The following JADE1 variants were observed in gnomAD, a reference collection of about 807,000 sequenced individuals.
The protein encoded by JADE1 is jade family PHD finger 1.
In JADE1, 14 loss-of-function variants were observed where a neutral mutation model predicts 81.8. The observed-to-expected ratio is 0.17, with a 90% CI of 0.11 to 0.27. JADE1 has a LOEUF of 0.27. Ranked by LOEUF, JADE1 falls within the 10% of genes least tolerant of loss-of-function variation. The pLI, the probability that JADE1 is intolerant of heterozygous loss-of-function variation, is 1.00. For missense variants in JADE1, 690 were observed against 1,047.9 expected (o/e 0.66, Z 4.71); for synonymous variants, 353 against 391.9 (o/e 0.90, Z 1.17).
At chr4:128,820,054 T>G (rs893648577) in intron 1 of JADE1, among the ~76,000 whole-genome samples, 5 of 152,202 alleles carry the variant, frequency 3.3e-5, no homozygotes, top group African/African-American at 7.2e-5. Flanking sequence ...TTTTAAATTG[T>G]TTTTGAAATC....
At position 128,873,273 on chromosome 4, in the gene JADE1, G is replaced by GAAAAAAAAAAAAAAAAAAAAAAAAA. The variant is rs1553953485; in HGVS notation, c.*1018_*1019insAAAAAAAAAAAAAAAAAAAAAAAAA. The GAAAAAAAAAAAAAAAAAAAAAAAAA allele has an allele frequency of 1.3e-5, 1 of 78,664 alleles. No individual in the cohort carries two copies. The highest frequency in any genetic ancestry group is 4.7e-5 in the African/African-American group (1 of 21,284). 4.9% of individuals were successfully genotyped at this position (78,664 alleles called of 1,614,324 possible). On this transcript the variant is annotated 3_prime_UTR_variant, in exon 11 of 11. Coordinates refer to ENST00000226319, the MANE Select transcript of JADE1 (RefSeq NM_199320.4). ...AGAAAAAGGAAAAAAAAAAAAAAAA[G>GAAAAAAAAAAAAAAAAAAAAAAAAA]AAAAAAAGAAAAAAAAAAGAAAAAA...
intron 2 of JADE1, 60 bp downstream of exon 2, chr4:128,831,870 A>T: frequency 6.9e-7 from 1 of 1,444,252 alleles, no homozygotes; most frequent in Non-Finnish European, 9.7e-7. Context: ...TAAAAACATG[A>T]TTTTTTAATG....
chr4:128,849,260 A>C, intron 5 of JADE1, 93 bp downstream of exon 5: 6 of 1,037,780 alleles, frequency 5.8e-6, no homozygotes, highest in Non-Finnish European at 8.3e-6. Context: ...CCTTATTGCC[A>C]GTTGCAGGCA....
chr4:128,848,960 C>G lies in JADE1; in HGVS notation c.297-20C>G. ...GTGGCTGAAAGGGTAACCTGGCTGC[C>G]TTGTTTTTTTATTATCCAGGGTTGT... is the stretch of plus-strand genomic sequence containing the variant. On this transcript the variant is annotated intron_variant, in intron 4 of 10. Transcript: ENST00000226319. 6.2e-7 allele frequency: 1 copy of G among 1,611,498 alleles called. No homozygotes were observed. The highest frequency in any genetic ancestry group is 8.5e-7 in the Non-Finnish European group (1 of 1,179,002).
chr4:128,872,247 C>T lies in JADE1; in HGVS notation c.2514C>T (p.Ser838=), dbSNP rs375587691. ...ISRRTDIIRR[S]ILAS ...GAAGGACAGACATTATCAGGAGAAG[C>T]ATCTTGGCTTCTTGATGCAACAGAG... Residue 838 remains serine, a synonymous_variant, in exon 11 of 11, where the codon AGC becomes AGT. Transcript: ENST00000226319. 5.6e-5 allele frequency: 90 copies of T among 1,613,180 alleles called. No individual in the cohort carries two copies. The highest frequency in any genetic ancestry group is 1.1e-4 in the African/African-American group (8 of 74,906).
intron 2 of JADE1, among the ~76,000 whole-genome samples, chr4:128,832,295 G>C (rs1214751027): frequency 6.6e-6 from 1 of 152,210 alleles, no homozygotes; most frequent in Non-Finnish European, 1.5e-5. Context: ...GAATACTACT[G>C]CTGTCTGTAT....
At chr4:128,834,659 G>A (rs1728833834) in intron 2 of JADE1, among the ~76,000 whole-genome samples, 1 of 148,972 alleles carries the variant, frequency 6.7e-6, no homozygotes, top group Non-Finnish European at 1.5e-5. Context: ...CTCAGCCTCC[G>A]AGTAGCTAGG....
chr4:128,850,404 A>G (rs1470718583), intron 5 of JADE1, among the ~76,000 whole-genome samples: 1 of 152,020 alleles, frequency 6.6e-6, no homozygotes, highest in African/African-American at 2.4e-5. Context: ...GGAACGTAGC[A>G]TAGGGTGTGG....
chr4:128,829,511 T>TTG (rs1728350193), intron 1 of JADE1, among the ~76,000 whole-genome samples: 1 of 152,204 alleles, frequency 6.6e-6, no homozygotes, highest in Admixed American at 6.5e-5. Context: ...TTTGGATGAA[T>TTG]TGTGTAGATC....
chr4:128,854,100 A>AT (rs964851812), intron 6 of JADE1, among the ~76,000 whole-genome samples: 1 of 151,568 alleles, frequency 6.6e-6, no homozygotes, highest in Non-Finnish European at 1.5e-5. Flanking sequence ...CCCATGAAAA[A>AT]TTTTTTTGAG....
chr4:128,822,550 GAA>G (rs34985454), intron 1 of JADE1, among the ~76,000 whole-genome samples: 8 of 144,094 alleles, frequency 5.6e-5, no homozygotes, highest in Non-Finnish European at 7.6e-5. Context: ...CGTCTCTAGT[GAA>G]AAAAAAAAAA....
intron 6 of JADE1, among the ~76,000 whole-genome samples, chr4:128,854,059 C>T (rs964062894): frequency 7.2e-5 from 11 of 152,114 alleles, no homozygotes; most frequent in African/African-American, 2.7e-4. Flanking sequence ...ACTTCTCAGT[C>T]TTTTTCTTGT....
chr4:128,846,313 G>A lies in JADE1; in HGVS notation c.139-62G>A. 6.6e-7 allele frequency: 1 copy of A among 1,508,788 alleles called. No homozygotes were observed. The allele number at this position is 1,508,788 out of a possible 1,614,324, so 93.5% of individuals were successfully genotyped here. On this transcript the variant is annotated intron_variant, in intron 3 of 10. Transcript: ENST00000226319. The surrounding 1 kb of genome is among the most constrained non-coding windows in gnomAD (Gnocchi z 4.0). Reference sequence around the variant, plus strand: ...GCAGCTCCATGGTTACATTGCAGCTGCCAGCACTCTGAATAAGAATGCAAA... The same window carrying A: ...GCAGCTCCATGGTTACATTGCAGCTACCAGCACTCTGAATAAGAATGCAAA...
chr4:128,835,387 A>G (rs1579149632), intron 2 of JADE1, among the ~76,000 whole-genome samples: 1 of 152,190 alleles, frequency 6.6e-6, no homozygotes. Flanking sequence ...GCACATACTC[A>G]TTGCCATGGA....
At chr4:128,845,709 C>G (rs1302966255) in intron 3 of JADE1, among the ~76,000 whole-genome samples, 2 of 151,964 alleles carry the variant, frequency 1.3e-5, no homozygotes, top group African/African-American at 2.4e-5. Flanking sequence ...GAGGTCCTGA[C>G]CTCAATGGTT....
At position 128,842,995 on chromosome 4, in the gene JADE1, G is replaced by T. The variant is rs1423068852; in HGVS notation, c.95G>T (p.Arg32Met). ...TCCCAGAATTCCCGATCCCAGCATA[G>T]GAGAAGCTCCTGCTCCAGACATGAA... ...TWSQNSRSQH[R>M]RSSCSRHEDR... The change falls in exon 3 of 11, where the codon AGG (arginine) becomes ATG (methionine). Residue 32 changes from arginine to methionine, a missense_variant. Physicochemically the swap from Arg to Met is moderately conservative, Grantham distance 91. Transcript: ENST00000226319. The T allele has an allele frequency of 1.9e-6, 3 of 1,614,068 alleles. No homozygotes were observed. Among genetic ancestry groups the T allele is most frequent in the Non-Finnish European group, 2.5e-6 (3 of 1,179,934 alleles).
chr4:128,814,012 T>G (rs1477705365), intron 1 of JADE1, among the ~76,000 whole-genome samples: 2 of 151,862 alleles, frequency 1.3e-5, no homozygotes, highest in African/African-American at 4.8e-5. Flanking sequence ...ATATTTTAGC[T>G]TTAACAAAGG....
chr4:128,857,285 G>A, intron 7 of JADE1, 53 bp from the exon 8 acceptor site: 5 of 1,323,410 alleles, frequency 3.8e-6, no homozygotes, highest in African/African-American at 1.5e-5. Context: ...TGACATTCAT[G>A]TTCAGCCTTT....
At chr4:128,842,657 C>T (rs996892636) in intron 2 of JADE1, among the ~76,000 whole-genome samples, 8 of 152,316 alleles carry the variant, frequency 5.3e-5, no homozygotes, top group Non-Finnish European at 1.2e-4. Flanking sequence ...TCAGTGCAGG[C>T]TTATGGGTGA....
Sources: allele counts gnomAD v4.1 joint callset (sites outside exome capture counted in the v4.1 genomes callset), GRCh38; gene constraint gnomAD v4.1.1; non-coding constraint Gnocchi (gnomAD v3.1); transcripts MANE v1.5; gene names NCBI Gene and HGNC (gene_info 2026-07-23, HGNC 2026-07-21).